Variants in DOT1L observed in about 807,000 individuals in gnomAD.
DOT1L encodes histone-lysine N-methyltransferase, H3 lysine-79 specific.
DOT1L carries 33 observed loss-of-function variants against 153.3 expected under a neutral mutation model. The observed-to-expected ratio is 0.22, with a 90% confidence interval of 0.16 to 0.29. DOT1L has a LOEUF of 0.29. DOT1L is among the 10% of genes least tolerant of loss of function. The pLI, the probability that DOT1L is intolerant of heterozygous loss-of-function variation, is 1.00. For missense variants in DOT1L, 1,847 were observed against 2,119.9 expected (o/e 0.87, Z 2.53); for synonymous variants, 1,135 against 965.1 (o/e 1.18, Z -3.26).
rs1347827286 is a variant in DOT1L, at chr19:2,220,290, G to C, written c.2806+68G>C. The C allele has an allele frequency of 2.0e-6, 3 of 1,495,778 alleles. No individual in the cohort carries two copies. The African/African-American group carries it at 4.1e-5, about 21-fold the overall frequency. 92.7% of individuals were successfully genotyped at this position (1,495,778 alleles called of 1,614,324 possible). A position where few individuals can be genotyped will look rare whatever the true frequency, so the allele number is the denominator to read the frequency against. ...CTGCTGCTCTTCAGGCAGGAGGGCT[G>C]GGTTGCTGGGAGTGGAACAGGGCTT... On this transcript the variant is annotated intron_variant, in intron 23 of 27. Transcript: ENST00000398665. The surrounding 1 kb of genome is among the most constrained non-coding windows in gnomAD (Gnocchi z 4.5).
chr19:2,206,199 CCT>C (rs1478836316), intron 9 of DOT1L, among the ~76,000 whole-genome samples: 1 of 151,998 alleles, frequency 6.6e-6, no homozygotes, highest in Non-Finnish European at 1.5e-5. Context: ...ACGGTTTTAC[CCT>C]GTTAGCCAGG....
At chr19:2,189,682 TGCG>T in intron 3 of DOT1L, 47 bp from the exon 4 acceptor site, 1 of 1,599,750 alleles carries the variant, frequency 6.3e-7, no homozygotes, top group East Asian at 2.2e-5. Context: ...CTCCCATGCA[TGCG>T]GCTGGCTCCT....
In DOT1L at chr19:2,207,176, G is replaced by T. The variant is rs987615707; in HGVS notation, c.856+379G>T. On this transcript the variant is annotated intron_variant, in intron 10 of 27. Coordinates refer to ENST00000398665, the MANE Select transcript of DOT1L (RefSeq NM_032482.3). The surrounding 1 kb of genome is among the most constrained non-coding windows in gnomAD (Gnocchi z 4.5). ...CCCCCTGCCTGCCTTACTGTGCTGC[G>T]TGCTCTGTCAGCTCCCAGCCTTGCG... 5.3e-5 allele frequency among the ~76,000 whole-genome samples: 8 copies of T among 152,334 alleles called. No individual in the cohort carries two copies. Among genetic ancestry groups the T allele is most frequent in the African/African-American group, 1.9e-4 (8 of 41,576 alleles).
At chr19:2,202,150 G>A (rs1326162739) in intron 8 of DOT1L, among the ~76,000 whole-genome samples, 1 of 152,200 alleles carries the variant, frequency 6.6e-6, no homozygotes, top group Admixed American at 6.5e-5. Context: ...AAGGAGCCTC[G>A]TTTGAGGATG....
intron 16 of DOT1L, chr19:2,213,296 G>GT: frequency 4.3e-6 from 2 of 462,344 alleles, no homozygotes; most frequent in Admixed American, 7.5e-5. Flanking sequence ...CTGAGTCCAG[G>GT]TGGGGTGGCA....
At chr19:2,166,357 A>G (rs1014677761) in intron 1 of DOT1L, among the ~76,000 whole-genome samples, 6 of 152,000 alleles carry the variant, frequency 3.9e-5, no homozygotes, top group Non-Finnish European at 8.8e-5. Flanking sequence ...CGGCCTCCCA[A>G]AGTGCTGGGA....
At chr19:2,167,653 A>T (rs1165966748) in intron 1 of DOT1L, among the ~76,000 whole-genome samples, 1 of 151,304 alleles carries the variant, frequency 6.6e-6, no homozygotes, top group African/African-American at 2.4e-5. Context: ...TCGCCGTGAC[A>T]TTTGTCATTT....
intron 1 of DOT1L, among the ~76,000 whole-genome samples, chr19:2,177,360 G>A (rs1016221946): frequency 2.0e-5 from 3 of 151,966 alleles, no homozygotes; most frequent in South Asian, 2.1e-4. Context: ...GCAATGCCGC[G>A]ATCTCGGCTC....
chr19:2,194,306 G>A (rs1599565872), intron 6 of DOT1L, among the ~76,000 whole-genome samples: 1 of 152,152 alleles, frequency 6.6e-6, no homozygotes, highest in Admixed American at 6.5e-5. Flanking sequence ...GAGTAGCTGG[G>A]ACTACAGGCG....
chr19:2,182,453 AT>A (rs911988450), intron 2 of DOT1L, among the ~76,000 whole-genome samples: 1 of 152,138 alleles, frequency 6.6e-6, no homozygotes, highest in African/African-American at 2.4e-5. Flanking sequence ...AGGTGGGAGG[AT>A]CACTTGAGAC....
rs552123709 is a variant in DOT1L, at chr19:2,197,440, C to T, written c.652-2444C>T. Among the ~76,000 whole-genome samples, 34 of 152,316 alleles carry T rather than the reference C, an allele frequency of 2.2e-4. 1 individual carries two copies. The East Asian group carries it at 5.0e-3, about 22-fold the overall frequency. Reference sequence around the variant, plus strand: ...GGGCGCCATGGTGCCTTCCTCCGCGCGGTCTGGCTGGGCTGAGCCTTGCTC... The same window carrying T: ...GGGCGCCATGGTGCCTTCCTCCGCGTGGTCTGGCTGGGCTGAGCCTTGCTC... On this transcript the variant is annotated intron_variant, in intron 7 of 27. Transcript: ENST00000398665. This position sits in a 1 kb window ranked among gnomAD's most constrained non-coding sequence, Gnocchi z 4.1.
At position 2,180,769 on chromosome 19, in the gene DOT1L, C is replaced by G; in HGVS notation, c.125+13C>G. On this transcript the variant is annotated intron_variant, in intron 2 of 27. Coordinates refer to ENST00000398665, the MANE Select transcript of DOT1L (RefSeq NM_032482.3). ...TCGAGACCATCCGGTGAGTGCACGG[C>G]CTGCAGTGTGTTGTCTTCACAGCCC... 6.2e-7 allele frequency: 1 copy of G among 1,613,806 alleles called. No individual in the cohort carries two copies. The highest frequency in any genetic ancestry group is 1.1e-5 in the South Asian group (1 of 91,040).
At chr19:2,205,395 A>G (rs953787894) in intron 9 of DOT1L, among the ~76,000 whole-genome samples, 1 of 152,168 alleles carries the variant, frequency 6.6e-6, no homozygotes, top group Non-Finnish European at 1.5e-5. Flanking sequence ...GATGCCCCAT[A>G]GTGGCTGGTG....
intron 1 of DOT1L, chr19:2,164,608 T>G: frequency 3.2e-5 from 6 of 185,728 alleles, no homozygotes; most frequent in East Asian, 1.2e-4. Flanking sequence ...GCCCCGCTCG[T>G]TCCCGGCGCT....
Position 2,210,746 on chromosome 19 carries a change from C to T in DOT1L, c.1242C>T (p.Pro414=), listed in dbSNP as rs752128723. The T allele has an allele frequency of 6.2e-7, 1 of 1,613,162 alleles. No individual in the cohort carries two copies. Among genetic ancestry groups the T allele is most frequent in the South Asian group, 1.1e-5 (1 of 91,086 alleles). The change falls in exon 14 of 28, where the codon CCC becomes CCT. Residue 414 remains proline, a synonymous_variant. Transcript: ENST00000398665. The stretch of plus-strand genomic sequence containing the variant: ...TGGCTGGCCGCAAGCGCGGGCGCCC[C>T]AAGAAGATGAACACTGCGAACCCCG... ...RKMAGRKRGR[P]KKMNTANPER... is the part of the protein sequence containing the mutation.
Position 2,213,638 on chromosome 19 carries a change from G to A in DOT1L, c.1657G>A (p.Glu553Lys). ...IRRLFQQKLD[E>K]LGVKALTYND... is the part of the protein sequence containing the mutation. Reference sequence around the variant, plus strand: ...GAGGCTGTTTCAGCAAAAATTGGATGAGGTAGTGGACCCCAGAGGGCAGGT... The same window carrying A: ...GAGGCTGTTTCAGCAAAAATTGGATAAGGTAGTGGACCCCAGAGGGCAGGT... The change falls in exon 17 of 28, where the codon GAG (glutamate) becomes AAG (lysine). Residue 553 changes from glutamate to lysine, a missense_variant and splice_region_variant. Glu to Lys is a moderately conservative substitution (Grantham distance 56, BLOSUM62 1). This residue lies in a region of DOT1L where 156 missense variants were observed against 235.7 expected (regional missense o/e 0.66). Coordinates refer to ENST00000398665, the MANE Select transcript of DOT1L (RefSeq NM_032482.3). 6.2e-7 allele frequency: 1 copy of A among 1,613,752 alleles called. No individual in the cohort carries two copies. The highest frequency in any genetic ancestry group is 8.5e-7 in the Non-Finnish European group (1 of 1,179,944).
At chr19:2,225,535 G>GCCCGCTGCATCGTGT in intron 26 of DOT1L, 83 bp downstream of exon 26, 1 of 1,416,774 alleles carries the variant, frequency 7.1e-7, no homozygotes, top group Non-Finnish European at 1.0e-6. Flanking sequence ...CCACCTGCTG[G>GCCCGCTGCATCGTGT]CCCGCTGCAT....
chr19:2,202,897 T>A, intron 9 of DOT1L, 118 bp downstream of exon 9: 1 of 874,110 alleles, frequency 1.1e-6, no homozygotes, highest in Non-Finnish European at 1.9e-6. Context: ...TCAGTCCCCT[T>A]GGAGCCAGGT....
chr19:2,166,479 T>G (rs2019927166), intron 1 of DOT1L, among the ~76,000 whole-genome samples: 1 of 151,438 alleles, frequency 6.6e-6, no homozygotes, highest in African/African-American at 2.4e-5. Context: ...TGGTGCCATC[T>G]CTGCTCACTG....
Sources: allele counts gnomAD v4.1 joint callset (sites outside exome capture counted in the v4.1 genomes callset), GRCh38; gene constraint gnomAD v4.1.1; regional missense constraint gnomAD v4.1.1; non-coding constraint Gnocchi (gnomAD v3.1); transcripts MANE v1.5; gene names NCBI Gene and HGNC (gene_info 2026-07-23, HGNC 2026-07-21).